Variants in IMMP2L observed in about 807,000 individuals in gnomAD.
The protein encoded by IMMP2L is mitochondrial inner membrane protease subunit 2.
A neutral mutation model predicts 19.3 loss-of-function variants in IMMP2L; 18 were observed. The observed-to-expected ratio is 0.93, with a 90% confidence interval of 0.64 to 1.38. The LOEUF (loss-of-function observed/expected upper bound fraction) is 1.38. Ranked by LOEUF, IMMP2L falls within the 40% of genes most tolerant of loss-of-function variation. IMMP2L has a pLI of 0.00. For missense variants in IMMP2L, 233 were observed against 218.2 expected (o/e 1.07, Z -0.43); for synonymous variants, 76 against 73.0 (o/e 1.04, Z -0.21).
intron 1 of IMMP2L, among the ~76,000 whole-genome samples, chr7:111,535,522 T>TAAAATCTA (rs1847809660): frequency 6.6e-6 from 1 of 152,030 alleles, no homozygotes; most frequent in Admixed American, 6.6e-5. Flanking sequence ...ATCGGACACT[T>TAAAATCTA]AAAATCTAAA....
Position 111,548,176 on chromosome 7 carries a change from C to T in IMMP2L, c.-3+13675G>A, listed in dbSNP as rs2133056374. On this transcript the variant is annotated intron_variant, in intron 1 of 5. Coordinates refer to ENST00000405709, the MANE Select transcript of IMMP2L (RefSeq NM_032549.4). ...GAGAGAATATTATCTATCTTGTCAC[C>T]CAATTCAATCCTCTAAAATGACCTT... is the stretch of plus-strand genomic sequence containing the variant. Among the ~76,000 whole-genome samples, 2 of 151,674 alleles carry T rather than the reference C, an allele frequency of 1.3e-5. 1 individual carries two copies. Among genetic ancestry groups the T allele is most frequent in the African/African-American group, 4.8e-5 (2 of 41,366 alleles).
chr7:110,816,121 C>G (rs971281067), intron 5 of IMMP2L, among the ~76,000 whole-genome samples: 1 of 152,090 alleles, frequency 6.6e-6, no homozygotes, highest in Non-Finnish European at 1.5e-5. Context: ...AAATTTTCCT[C>G]TACACATTGC....
chr7:111,216,071 A>G (rs1045412747), intron 3 of IMMP2L, among the ~76,000 whole-genome samples: 5 of 152,134 alleles, frequency 3.3e-5, no homozygotes, highest in African/African-American at 1.2e-4. Context: ...ATACATCTTC[A>G]TTCTCTCTTG....
At chr7:111,427,391 C>A (rs1836188429) in intron 3 of IMMP2L, among the ~76,000 whole-genome samples, 1 of 151,564 alleles carries the variant, frequency 6.6e-6, no homozygotes, top group African/African-American at 2.4e-5. Flanking sequence ...CTTCTTAGGA[C>A]TGGACAGTGC....
chr7:110,816,387 T>C (rs969691099), intron 5 of IMMP2L, among the ~76,000 whole-genome samples: 2 of 152,136 alleles, frequency 1.3e-5, no homozygotes, highest in African/African-American at 4.8e-5. Flanking sequence ...TACTTCCAAC[T>C]ATGTGTTCAA....
chr7:111,031,349 A>G (rs999453331), intron 3 of IMMP2L, among the ~76,000 whole-genome samples: 5 of 148,964 alleles, frequency 3.4e-5, no homozygotes, highest in African/African-American at 1.2e-4. Flanking sequence ...AGCCTGGAAC[A>G]TTTTGTAGTG....
chr7:110,782,806 T>G (rs1799824541), intron 5 of IMMP2L, among the ~76,000 whole-genome samples: 1 of 151,788 alleles, frequency 6.6e-6, no homozygotes. Context: ...ATGCCTTGGG[T>G]AAAGTATGGG....
intron 5 of IMMP2L, among the ~76,000 whole-genome samples, chr7:110,846,539 T>A (rs1308323871): frequency 6.6e-6 from 1 of 151,922 alleles, no homozygotes; most frequent in Admixed American, 6.6e-5. Flanking sequence ...CTAATTTTTG[T>A]ATTTTTAGTA....
chr7:111,276,443 G>A (rs373821561), intron 3 of IMMP2L, among the ~76,000 whole-genome samples: 1 of 151,964 alleles, frequency 6.6e-6, no homozygotes, highest in Non-Finnish European at 1.5e-5. Flanking sequence ...TTTGGGATGA[G>A]GTTGATGCTG....
At chr7:111,325,458 AT>A in intron 3 of IMMP2L, among the ~76,000 whole-genome samples, 1 of 151,816 alleles carries the variant, frequency 6.6e-6, no homozygotes, top group Middle Eastern at 3.4e-3. Flanking sequence ...AGCTATAGAT[AT>A]TTTACCATAT....
rs1341540964 is a variant in IMMP2L at position 110,896,641 on chromosome 7, A to AACTT, written c.306-9947_306-9946insAAGT. Among the ~76,000 whole-genome samples the AACTT allele has an allele frequency of 2.0e-5, 3 of 148,710 alleles. 1 individual carries two copies. Among genetic ancestry groups the AACTT allele is most frequent in the Admixed American group, 6.7e-5 (1 of 14,918 alleles). On this transcript the variant is annotated intron_variant, in intron 4 of 5. Transcript: ENST00000405709. ...AAAAATTTTTAATTTCAAAATACTG[A>AACTT]GGTATTTTCGTATGTTATTTTACAT...
At chr7:110,860,363 G>A (rs550284479) in intron 5 of IMMP2L, among the ~76,000 whole-genome samples, 1 of 152,144 alleles carries the variant, frequency 6.6e-6, no homozygotes, top group East Asian at 1.9e-4. Context: ...ATCTCTGTAT[G>A]TAGTACATTC....
intron 5 of IMMP2L, among the ~76,000 whole-genome samples, chr7:110,884,703 C>A (rs1030317778): frequency 6.6e-6 from 1 of 152,054 alleles, no homozygotes; most frequent in African/African-American, 2.4e-5. Context: ...AACTTTGTCA[C>A]AAGAGACACT....
chr7:111,203,190 C>T (rs542048445), intron 3 of IMMP2L, among the ~76,000 whole-genome samples: 58 of 152,128 alleles, frequency 3.8e-4, no homozygotes, highest in African/African-American at 1.3e-3. Context: ...AAGTCAGTCA[C>T]CTTAATAGGC....
chr7:110,996,864 A>G (rs2129560505), intron 3 of IMMP2L, among the ~76,000 whole-genome samples: 1 of 152,182 alleles, frequency 6.6e-6, no homozygotes, highest in East Asian at 1.9e-4. Context: ...TCAGATTACA[A>G]CAGGTTTACA....
chr7:111,369,264 TG>T (rs1280588717), intron 3 of IMMP2L, among the ~76,000 whole-genome samples: 1 of 152,002 alleles, frequency 6.6e-6, no homozygotes, highest in Admixed American at 6.6e-5. Context: ...GCATTACGTT[TG>T]TAAGATCTAC....
chr7:111,098,100 G>A (rs1052708387), intron 3 of IMMP2L, among the ~76,000 whole-genome samples: 7 of 151,742 alleles, frequency 4.6e-5, no homozygotes, highest in African/African-American at 1.7e-4. Flanking sequence ...TATAAACTTT[G>A]AAAGCTCTAT....
chr7:111,162,074 A>T (rs981468908), intron 3 of IMMP2L, among the ~76,000 whole-genome samples: 3 of 152,090 alleles, frequency 2.0e-5, no homozygotes, highest in Non-Finnish European at 4.4e-5. Flanking sequence ...TAACACACTA[A>T]AATTGTTTAT....
intron 3 of IMMP2L, among the ~76,000 whole-genome samples, chr7:111,481,578 A>G (rs1842191949): frequency 6.6e-6 from 1 of 151,826 alleles, no homozygotes; most frequent in African/African-American, 2.4e-5. Context: ...AGCAGTCAAT[A>G]AACACTTTAA....
Sources: allele counts gnomAD v4.1 joint callset (sites outside exome capture counted in the v4.1 genomes callset), GRCh38; gene constraint gnomAD v4.1.1; transcripts MANE v1.5; gene names NCBI Gene and HGNC (gene_info 2026-07-23, HGNC 2026-07-21).